PROM2: variants seen among roughly 807,000 people sequenced by gnomAD.
PROM2 encodes the protein prominin-2.
A neutral mutation model predicts 110.2 loss-of-function variants in PROM2; 90 were observed. That is an observed-to-expected ratio of 0.82 (90% CI 0.69 to 0.97). PROM2 has a LOEUF of 0.97. Ranked by LOEUF, PROM2 falls within the 50% of genes least tolerant of loss-of-function variation. PROM2 has a pLI of 0.00. For synonymous variants in PROM2, 470 were observed against 467.8 expected, an observed-to-expected ratio of 1.00 and a Z score of -0.06; for missense variants, 1,009 against 1,074.8, an observed-to-expected ratio of 0.94 and a Z score of 0.86.
In PROM2 at chr2:95,288,997, G is replaced by A. The variant is rs753132492; in HGVS notation, c.*1G>A. 5.0e-6 allele frequency: 8 copies of A among 1,613,612 alleles called. No homozygotes were observed. In the Admixed American group the frequency reaches 1.2e-4, roughly 24 times the overall value. ...CCGGGTTACCTCCCTGAAGCTGTAG[G>A]GCCTTGTGGGTGAGTTTTCCCCAAC... is the stretch of plus-strand genomic sequence containing the variant. On this transcript the variant is annotated 3_prime_UTR_variant, in exon 23 of 24. Coordinates refer to ENST00000317620, the MANE Select transcript of PROM2 (RefSeq NM_001165978.3).
intron 14 of PROM2, 64 bp downstream of exon 14, chr2:95,282,290 C>A: frequency 7.2e-7 from 1 of 1,379,886 alleles, no homozygotes; most frequent in Non-Finnish European, 1.0e-6. Flanking sequence ...GGTCTTTTTG[C>A]CTCTGTGGAG....
rs1404270787 is a variant in PROM2, at chr2:95,277,947, T to C, written c.993T>C (p.His331=). The stretch of plus-strand genomic sequence containing the variant: ...CATTTCAGGTGCCCTCTGTGGACCA[T>C]GTCCTGCACCAGCTAAAAGGTGTCC... ...ADFSQVPSVD[H]VLHQLKGVPE... The change falls in exon 8 of 24, where the codon CAT becomes CAC. Residue 331 remains histidine (H), a synonymous_variant. Transcript: ENST00000317620. 1.2e-6 allele frequency: 2 copies of C among 1,612,528 alleles called. No individual in the cohort carries two copies. Among genetic ancestry groups the C allele is most frequent in the African/African-American group, 1.3e-5 (1 of 74,876 alleles).
At chr2:95,287,538 C>T (rs1677443885) in intron 20 of PROM2, 74 bp downstream of exon 20, 1 of 1,509,288 alleles carries the variant, frequency 6.6e-7, no homozygotes, top group South Asian at 1.2e-5. Context: ...TCTGCCCCGC[C>T]CCCGCCCCCG....
rs1161799416 is a variant in PROM2, at chr2:95,284,415, CG to C, written c.1729-549del. Among the ~76,000 whole-genome samples the C allele has an allele frequency of 4.0e-5, 6 of 151,716 alleles. No homozygotes were observed. The East Asian group carries it at 1.2e-3, about 30-fold the overall frequency. ...CTGAGGTGGTAGAATCACTGGAGCC[CG>C]GGGGATCTAGGCTTCAGTGAGCTGT... On this transcript the variant is annotated intron_variant, in intron 14 of 23. Transcript: ENST00000317620.
chr2:95,276,702 C>A lies in PROM2; in HGVS notation c.682+45C>A. 2 of 1,602,930 alleles carry A rather than the reference C, an allele frequency of 1.2e-6. No homozygotes were observed. Among genetic ancestry groups the A allele is most frequent in the Non-Finnish European group, 1.7e-6 (2 of 1,172,000 alleles). The stretch of plus-strand genomic sequence containing the variant: ...GCAGGTGGGCTGGCTCCTTCCAGGG[C>A]CCCTGCTCGGGTGCCTCGGTGGGGG... On this transcript the variant is annotated intron_variant, in intron 5 of 23. Transcript: ENST00000317620. This position sits in a 1 kb window ranked among gnomAD's most constrained non-coding sequence, Gnocchi z 4.6.
Position 95,276,153 on chromosome 2 carries a change from C to G in PROM2, c.497+21C>G. ...CTGCTGTAAGGCGCTGCCCAGGGCC[C>G]GGGTAGGGCGGGCTGTGGCCCCCAG... On this transcript the variant is annotated intron_variant, in intron 3 of 23. Transcript: ENST00000317620. The surrounding 1 kb of genome is among the most constrained non-coding windows in gnomAD (Gnocchi z 4.6). 1 of 1,611,946 alleles carries G rather than the reference C, an allele frequency of 6.2e-7. No homozygotes were observed.
chr2:95,278,287 A>G (rs910462095), intron 8 of PROM2: 1 of 557,498 alleles, frequency 1.8e-6, no homozygotes, highest in African/African-American at 1.9e-5. Context: ...GAGATGGGCC[A>G]AGGGGGAGGA....
chr2:95,288,320 G>C lies in PROM2; in HGVS notation c.2334+20G>C, dbSNP rs7596490. 20 of 1,613,390 alleles carry C rather than the reference G, an allele frequency of 1.2e-5. No individual in the cohort carries two copies. The highest frequency in any genetic ancestry group is 1.5e-5 in the Non-Finnish European group (18 of 1,179,542). ...CCCTGGGTGAGTGCCCCAGCTCATCGGGGCTTGTTCACCAAGTCCCGGAGC... is the reference window on the plus strand; with the variant it reads ...CCCTGGGTGAGTGCCCCAGCTCATCCGGGCTTGTTCACCAAGTCCCGGAGC... On this transcript the variant is annotated intron_variant, in intron 21 of 23. Coordinates refer to ENST00000317620, the MANE Select transcript of PROM2 (RefSeq NM_001165978.3).
chr2:95,277,120 TC>T, intron 6 of PROM2, 59 bp downstream of exon 6: 1 of 1,441,260 alleles, frequency 6.9e-7, no homozygotes, highest in Non-Finnish European at 9.4e-7. Flanking sequence ...CCTGGGGCGA[TC>T]CCACCTGCAC....
intron 19 of PROM2, 26 bp from the exon 20 acceptor site, chr2:95,287,370 G>C: frequency 6.2e-7 from 1 of 1,613,742 alleles, no homozygotes; most frequent in East Asian, 2.2e-5. Context: ...GACCCCTACA[G>C]CTCAGACCTC....
At position 95,275,501 on chromosome 2, in the gene PROM2, G is replaced by T. The variant is rs201776307; in HGVS notation, c.285G>T (p.Lys95Asn). The T allele has an allele frequency of 6.3e-5, 102 of 1,613,888 alleles. No homozygotes were observed. Among genetic ancestry groups the T allele is most frequent in the Admixed American group, 1.8e-4 (11 of 59,980 alleles). Residue 95 changes from lysine to asparagine, a missense_variant, in exon 2 of 24, where the codon AAG becomes AAT. Transcript: ENST00000317620. This position sits in a 1 kb window ranked among gnomAD's most constrained non-coding sequence, Gnocchi z 4.4. ...KALLNELASV[K>N]VNEVVRYEAG... is the part of the protein sequence containing the mutation. ...TACTGAATGAGCTGGCCTCCGTGAA[G>T]GTGAATGAGGTGAGCAAGCTGGGGA...
Position 95,276,483 on chromosome 2 carries a change from C to T in PROM2, c.619-111C>T, listed in dbSNP as rs1399979139. 107 of 1,591,152 alleles carry T rather than the reference C, an allele frequency of 6.7e-5. 1 individual carries two copies. Among genetic ancestry groups the T allele is most frequent in the South Asian group, 5.6e-4 (50 of 89,846 alleles). Reference sequence around the variant, plus strand: ...TCCTCTCCCGCCCTTGCCTGAGAGTCGACCACCCTCAGGGTGGATGCCATA... The same window carrying T: ...TCCTCTCCCGCCCTTGCCTGAGAGTTGACCACCCTCAGGGTGGATGCCATA... On this transcript the variant is annotated intron_variant, in intron 4 of 23. Coordinates refer to ENST00000317620, the MANE Select transcript of PROM2 (RefSeq NM_001165978.3). This position sits in a 1 kb window ranked among gnomAD's most constrained non-coding sequence, Gnocchi z 4.6.
chr2:95,278,997 C>T lies in PROM2; in HGVS notation c.1127C>T (p.Ala376Val). ...TTACTTTGGGCAGAGCTGAAGAAGG[C>T]AGTGGCCCAGCAGCCGGAAGGGGTG... ...TSSVVQELKKAVAQQPEGVRT... is the reference protein window; with the variant it reads ...TSSVVQELKKVVAQQPEGVRT... The change falls in exon 10 of 24, where the codon GCA becomes GTA. Residue 376 changes from alanine to valine, a missense_variant. Physicochemically the swap from Ala to Val is moderately conservative, Grantham distance 64. Transcript: ENST00000317620. 6.2e-7 allele frequency: 1 copy of T among 1,605,560 alleles called. No individual in the cohort carries two copies. The highest frequency in any genetic ancestry group is 8.5e-7 in the Non-Finnish European group (1 of 1,175,662).
At position 95,275,347 on chromosome 2, in the gene PROM2, G is replaced by T. The variant is rs1676583473; in HGVS notation, c.245-114G>T. 2.3e-5 allele frequency: 22 copies of T among 956,990 alleles called. No homozygotes were observed. The South Asian group carries it at 3.3e-4, about 14-fold the overall frequency. The allele number at this position is 956,990 out of a possible 1,614,324, so 59.3% of individuals were successfully genotyped here. A position where few individuals can be genotyped will look rare whatever the true frequency, so the allele number is the denominator to read the frequency against. ...ATGCAGCCTTCTGCGAGGGTGCCAT[G>T]GTGGTGGCAGGAGCCCTGCCTCAGA... On this transcript the variant is annotated intron_variant, in intron 1 of 23. Transcript: ENST00000317620. The surrounding 1 kb of genome is among the most constrained non-coding windows in gnomAD (Gnocchi z 4.4).
rs764791281 is a variant in PROM2 at position 95,278,007 on chromosome 2, G to A, written c.1050+3G>A. The A allele has an allele frequency of 1.9e-6, 3 of 1,607,710 alleles. No individual in the cohort carries two copies. The highest frequency in any genetic ancestry group is 3.3e-5 in the Admixed American group (2 of 59,860). On this transcript the variant is annotated splice_donor_region_variant and intron_variant, in intron 8 of 23. Transcript: ENST00000317620. Reference sequence around the variant, plus strand: ...ACTTCTCCAGCATGGTCCAGGAGGTGAGAGCCACCTGGTCTGCCTGATTTC... The same window carrying A: ...ACTTCTCCAGCATGGTCCAGGAGGTAAGAGCCACCTGGTCTGCCTGATTTC...
chr2:95,277,150 A>T (rs2104573980), intron 6 of PROM2, 89 bp downstream of exon 6: 1 of 1,280,168 alleles, frequency 7.8e-7, no homozygotes. Flanking sequence ...GGATTTCCTG[A>T]GCCACCTCTG....
intron 10 of PROM2, 42 bp downstream of exon 10, chr2:95,279,186 G>A: frequency 1.6e-5 from 6 of 368,892 alleles, no homozygotes; most frequent in South Asian, 4.1e-5. Context: ...GGTGGGGTGG[G>A]CAGCCCAGCC....
rs530610289 is a variant in PROM2 at position 95,285,489 on chromosome 2, G to A, written c.1876-150G>A. ...TGTCTGAAATATTTCACAGTTCCAG[G>A]GAAAACTCACTGTGACTGATGTGTC... is the stretch of plus-strand genomic sequence containing the variant. On this transcript the variant is annotated intron_variant, in intron 15 of 23. Coordinates refer to ENST00000317620, the MANE Select transcript of PROM2 (RefSeq NM_001165978.3). 3.3e-4 allele frequency: 214 copies of A among 652,174 alleles called. No homozygotes were observed. The South Asian group carries it at 4.3e-3, about 13-fold the overall frequency. The allele number at this position is 652,174 out of a possible 1,614,324, so 40.4% of individuals were successfully genotyped here.
intron 22 of PROM2, 106 bp from the exon 23 acceptor site, chr2:95,288,827 C>A: frequency 8.4e-7 from 1 of 1,196,956 alleles, no homozygotes. Flanking sequence ...TCCCATCCCC[C>A]ACAGGGCTTC....
Sources: allele counts gnomAD v4.1 joint callset (sites outside exome capture counted in the v4.1 genomes callset), GRCh38; gene constraint gnomAD v4.1.1; non-coding constraint Gnocchi (gnomAD v3.1); transcripts MANE v1.5; gene names NCBI Gene and HGNC (gene_info 2026-07-23, HGNC 2026-07-21).